Variants in EYA1 observed in about 807,000 individuals in gnomAD.
EYA1 encodes protein phosphatase EYA1.
A neutral mutation model predicts 82.0 loss-of-function variants in EYA1; 16 were observed. The ratio of observed to expected loss-of-function variants is 0.20; its 90% CI spans 0.13 to 0.30. The LOEUF is 0.30. EYA1 is among the 10% of genes least tolerant of loss of function. The pLI is 1.00. For missense variants in EYA1, 633 were observed against 730.7 expected (o/e 0.87, Z 1.54); for synonymous variants, 261 against 264.4 (o/e 0.99, Z 0.12).
At chr8:71,494,725 G>T (rs142183463) in intron 2 of EYA1, among the ~76,000 whole-genome samples, 2,408 of 152,212 alleles carry the variant, frequency 0.016, 39 homozygotes, top group Non-Finnish European at 0.025. Context: ...GGTTAGAAAA[G>T]AAGTGAATAC....
In EYA1 at chr8:71,267,558, G is replaced by GT. The variant is rs527968067; in HGVS notation, c.1050+2181dup. ...GGAAATTATATGAGATAAAACTTTT[G>GT]TTTTTTTTGAGATGGAGTCTTGCTC... On this transcript the variant is annotated intron_variant, in intron 11 of 17. Transcript: ENST00000340726. 1.4e-3 allele frequency among the ~76,000 whole-genome samples: 207 copies of GT among 151,882 alleles called. 1 individual carries two copies. Among genetic ancestry groups the GT allele is most frequent in the African/African-American group, 4.3e-3 (178 of 41,414 alleles).
chr8:71,337,334 C>T (rs181134568), intron 3 of EYA1, among the ~76,000 whole-genome samples: 20 of 152,270 alleles, frequency 1.3e-4, no homozygotes, highest in Admixed American at 1.2e-3. Flanking sequence ...TGCCCCCACA[C>T]GAGTCTCTTT....
chr8:71,246,212 A>C (rs1415671585), intron 11 of EYA1, among the ~76,000 whole-genome samples: 1 of 152,210 alleles, frequency 6.6e-6, no homozygotes, highest in Non-Finnish European at 1.5e-5. Context: ...AATTCTTCCA[A>C]AGAACAATAA....
chr8:71,382,690 A>G (rs1482548051), intron 2 of EYA1, among the ~76,000 whole-genome samples: 1 of 152,108 alleles, frequency 6.6e-6, no homozygotes, highest in African/African-American at 2.4e-5. Flanking sequence ...AGAAAACAAA[A>G]TTATATTATG....
intron 2 of EYA1, among the ~76,000 whole-genome samples, chr8:71,417,943 G>A (rs983680289): frequency 1.3e-5 from 2 of 152,126 alleles, no homozygotes; most frequent in Non-Finnish European, 2.9e-5. Context: ...CATCCTGAAT[G>A]CCTCTGTCCA....
chr8:71,282,207 G>A (rs1447758596), intron 9 of EYA1, among the ~76,000 whole-genome samples: 1 of 152,098 alleles, frequency 6.6e-6, no homozygotes, highest in African/African-American at 2.4e-5. Context: ...TGAGACTCCA[G>A]TGCCCTGTCA....
chr8:71,238,659 A>G (rs1203871011), intron 12 of EYA1, among the ~76,000 whole-genome samples: 1 of 151,954 alleles, frequency 6.6e-6, no homozygotes, highest in East Asian at 1.9e-4. Flanking sequence ...TTTGAATTCT[A>G]TATTTCTTCA....
chr8:71,495,905 A>T (rs1023682017), intron 2 of EYA1, among the ~76,000 whole-genome samples: 1 of 152,164 alleles, frequency 6.6e-6, no homozygotes, highest in African/African-American at 2.4e-5. Flanking sequence ...CCCAGCAACA[A>T]CCCCACGAGC....
intron 2 of EYA1, among the ~76,000 whole-genome samples, chr8:71,451,682 G>A (rs989649981): frequency 1.3e-5 from 2 of 152,254 alleles, no homozygotes; most frequent in South Asian, 4.1e-4. Flanking sequence ...ATCAGTTGGT[G>A]AAATGAACAT....
At position 71,198,043 on chromosome 8, in the gene EYA1, T is replaced by C. The variant is rs1806462036; in HGVS notation, c.*1297A>G. 1 of 152,098 alleles carries C rather than the reference T, an allele frequency of 6.6e-6. No individual in the cohort carries two copies. Among genetic ancestry groups the C allele is most frequent in the Admixed American group, 6.6e-5 (1 of 15,264 alleles). The allele number at this position is 152,098 out of a possible 1,614,324, so 9.4% of individuals were successfully genotyped here. A position where few individuals can be genotyped will look rare whatever the true frequency, so the allele number is the denominator to read the frequency against. On this transcript the variant is annotated 3_prime_UTR_variant, in exon 18 of 18. Coordinates refer to ENST00000340726, the MANE Select transcript of EYA1 (RefSeq NM_000503.6). ...AAAGAGAAAATACGCACATAGGGAG[T>C]AATGCAAAGTTTGCTGATTTCCGGA...
chr8:71,406,382 G>A (rs1244565444), intron 2 of EYA1, among the ~76,000 whole-genome samples: 1 of 152,188 alleles, frequency 6.6e-6, no homozygotes, highest in Non-Finnish European at 1.5e-5. Context: ...CAAGATGGCC[G>A]AATAGGAACA....
In EYA1 at chr8:71,483,111, G is replaced by A. The variant is rs113409902; in HGVS notation, c.33+52633C>T. On this transcript the variant is annotated intron_variant, in intron 2 of 18. Coordinates refer to the EYA1 transcript ENST00000643681. ...GGGGTACAAGTCAAACTCTTTTAAT[G>A]GCCCACAATAACCAGATTTGGCCAC... Among the ~76,000 whole-genome samples, 365 of 152,188 alleles carry A rather than the reference G, an allele frequency of 2.4e-3. 3 individuals are homozygous for A. Among genetic ancestry groups the A allele is most frequent in the African/African-American group, 8.3e-3 (346 of 41,522 alleles).
At chr8:71,539,067 CT>C (rs752924503) in intron 1 of EYA1, among the ~76,000 whole-genome samples, 1 of 152,108 alleles carries the variant, frequency 6.6e-6, no homozygotes, top group African/African-American at 2.4e-5. Context: ...CTATTCACCC[CT>C]GAAGTGAAAT....
intron 6 of EYA1, among the ~76,000 whole-genome samples, chr8:71,320,185 A>G (rs1822379043): frequency 6.6e-6 from 1 of 152,162 alleles, no homozygotes; most frequent in Non-Finnish European, 1.5e-5. Flanking sequence ...GAGCTCAGAA[A>G]TTGGCAAAGG....
At chr8:71,215,590 C>G in intron 15 of EYA1, 24 bp downstream of exon 15, 2 of 1,611,470 alleles carry the variant, frequency 1.2e-6, no homozygotes, top group Middle Eastern at 1.7e-4. Flanking sequence ...CATTTCCTGG[C>G]AAAGACCCCG....
chr8:71,469,909 T>C (rs1464779211), intron 2 of EYA1, among the ~76,000 whole-genome samples: 1 of 152,052 alleles, frequency 6.6e-6, no homozygotes, highest in Non-Finnish European at 1.5e-5. Context: ...GATATCCTAA[T>C]GGCAAAACTC....
intron 2 of EYA1, among the ~76,000 whole-genome samples, chr8:71,519,482 A>T (rs527971187): frequency 6.6e-6 from 1 of 152,200 alleles, no homozygotes; most frequent in South Asian, 2.1e-4. Context: ...GTTGACTAAA[A>T]CCTAACCCCT....
chr8:71,453,004 G>T (rs541784938), intron 2 of EYA1, among the ~76,000 whole-genome samples: 2 of 152,248 alleles, frequency 1.3e-5, no homozygotes, highest in East Asian at 3.9e-4. Flanking sequence ...TCATCATAAA[G>T]AAGCTAAAAA....
At chr8:71,337,180 A>T (rs1347341428) in intron 3 of EYA1, among the ~76,000 whole-genome samples, 17 of 152,172 alleles carry the variant, frequency 1.1e-4, no homozygotes, top group Non-Finnish European at 1.5e-5. Context: ...TCTGAGAACA[A>T]CTATCCCATC....
Sources: gnomAD v4.1 joint callset for allele counts (sites outside exome capture counted in the v4.1 genomes callset) on GRCh38, gnomAD v4.1.1 for gene constraint, MANE v1.5 for transcripts, NCBI Gene and HGNC (gene_info 2026-07-23, HGNC 2026-07-21) for gene names.